TCHP: variants seen among roughly 807,000 people sequenced by gnomAD.
TCHP encodes trichoplein keratin filament binding.
A neutral mutation model predicts 88.7 loss-of-function variants in TCHP; 81 were observed. The observed-to-expected ratio is 0.91, with a 90% CI of 0.76 to 1.10. TCHP has a LOEUF of 1.10. Ranked by LOEUF, TCHP falls within the 50% of genes least tolerant of loss-of-function variation. TCHP has a pLI of 0.00. For synonymous variants in TCHP, 232 were observed against 232.5 expected (o/e 1.00, Z 0.02); for missense variants, 641 against 632.1 (o/e 1.01, Z -0.15).
Position 109,900,302 on chromosome 12 carries a change from G to A in TCHP, c.-125G>A, listed in dbSNP as rs1869703298. ...GTCGGGCTCGTTGCCGGTGCAAACA[G>A]GGAGGAAACAGCCGGCGTTGCTGTA... On this transcript the variant is annotated 5_prime_UTR_variant, in exon 1 of 13. Coordinates refer to ENST00000405876, the MANE Select transcript of TCHP (RefSeq NM_001143852.2). 1 of 152,258 alleles carries A rather than the reference G, an allele frequency of 6.6e-6. No homozygotes were observed. Among genetic ancestry groups the A allele is most frequent in the Non-Finnish European group, 1.5e-5 (1 of 68,050 alleles). The allele number at this position is 152,258 out of a possible 1,614,324, so 9.4% of individuals were successfully genotyped here. A position where few individuals can be genotyped will look rare whatever the true frequency, so the allele number is the denominator to read the frequency against.
intron 1 of TCHP, among the ~76,000 whole-genome samples, chr12:109,901,605 T>G (rs954357905): frequency 1.2e-4 from 19 of 152,290 alleles, no homozygotes; most frequent in African/African-American, 4.3e-4. Flanking sequence ...AAACCTTGAG[T>G]TGGTGTCGGG....
rs1565913234 is a variant in TCHP at position 109,913,016 on chromosome 12, A to G, written c.1078A>G (p.Lys360Glu). Residue 360 changes from lysine (K) to glutamate (E), a missense_variant, in exon 10 of 13, where the codon AAG (lysine) becomes GAG (glutamate). Coordinates refer to ENST00000405876, the MANE Select transcript of TCHP (RefSeq NM_001143852.2). ...LREEAKEMWE[K>E]REAEWARERS... ...GGAGGAGGCCAAGGAGATGTGGGAA[A>G]AGAGAGAGGCAGAGTGGGCCCGAGA... The G allele has an allele frequency of 1.2e-6, 2 of 1,613,906 alleles. No individual in the cohort carries two copies. Among genetic ancestry groups the G allele is most frequent in the Admixed American group, 3.3e-5 (2 of 60,000 alleles).
chr12:109,911,031 C>G, intron 8 of TCHP, 32 bp from the exon 9 acceptor site: 3 of 1,515,338 alleles, frequency 2.0e-6, no homozygotes, highest in Non-Finnish European at 2.7e-6. Context: ...CTCTGTCCAG[C>G]CCAGCCACGT....
At chr12:109,888,101 C>T in the TCHP span, 1 of 152,320 alleles carries the variant, frequency 6.6e-6, no homozygotes, top group Non-Finnish European at 1.5e-5. Flanking sequence ...CCAGCATGTA[C>T]CCTCCCCAGT....
chr12:109,896,905 G>A (rs923184008), upstream of TCHP, among the ~76,000 whole-genome samples: 1 of 152,102 alleles, frequency 6.6e-6, no homozygotes. Flanking sequence ...GTGATAGAGT[G>A]AGACTCTGTC....
At chr12:109,890,300 CA>C in the TCHP span, among the ~76,000 whole-genome samples, 28,496 of 89,208 alleles carry the variant, frequency 0.32, 4,219 homozygotes, top group African/African-American at 0.53. Flanking sequence ...CTCATCTCTA[CA>C]AAAAAAAAAA....
intron 9 of TCHP, among the ~76,000 whole-genome samples, chr12:109,911,646 A>T (rs948571430): frequency 6.7e-6 from 1 of 149,960 alleles, no homozygotes; most frequent in Admixed American, 6.6e-5. Context: ...AGAAGAAGAG[A>T]TAGCTGTGTA....
chr12:109,911,992 C>T (rs754013777), intron 9 of TCHP, among the ~76,000 whole-genome samples: 6 of 151,966 alleles, frequency 3.9e-5, no homozygotes, highest in Non-Finnish European at 8.8e-5. Context: ...GATGGGGTTT[C>T]ACCATCTTGG....
the TCHP span, among the ~76,000 whole-genome samples, chr12:109,894,642 G>T: frequency 6.6e-6 from 1 of 150,912 alleles, no homozygotes; most frequent in Non-Finnish European, 1.5e-5. Context: ...GCGCATGTAT[G>T]TAATCCCAGG....
At chr12:109,894,370 GA>G in the TCHP span, among the ~76,000 whole-genome samples, 539 of 151,658 alleles carry the variant, frequency 3.6e-3, no homozygotes, top group Middle Eastern at 0.01. Context: ...TGAGGCAGGA[GA>G]ATGGTGTGAA....
intron 4 of TCHP, 58 bp downstream of exon 4, chr12:109,904,851 A>C (rs1870037130): frequency 2.0e-6 from 3 of 1,528,670 alleles, no homozygotes; most frequent in South Asian, 1.2e-5. Flanking sequence ...GTTTCCAGAC[A>C]CTTTTTTTTT....
In TCHP at chr12:109,914,440, A is replaced by G. The variant is rs761889639; in HGVS notation, c.1135-2A>G. 5.6e-6 allele frequency: 9 copies of G among 1,609,240 alleles called. No individual in the cohort carries two copies. Among genetic ancestry groups the G allele is most frequent in the Non-Finnish European group, 7.6e-6 (9 of 1,176,512 alleles). On this transcript the variant is annotated splice_acceptor_variant, in intron 10 of 12. Coordinates refer to ENST00000405876, the MANE Select transcript of TCHP (RefSeq NM_001143852.2). LOFTEE classifies it high-confidence loss of function. ...CTGCCCTTTTCTTTCTGCTGAGGTT[A>G]GGTTCTGACAGGGAGACAACAGCAA...
chr12:109,891,405 T>TC, the TCHP span, among the ~76,000 whole-genome samples: 4 of 151,440 alleles, frequency 2.6e-5, no homozygotes, highest in East Asian at 7.7e-4. Context: ...TTTTTTTTTT[T>TC]GAGACAGAGT....
At chr12:109,889,467 C>CAAAAAAAAAA in the TCHP span, among the ~76,000 whole-genome samples, 1 of 140,564 alleles carries the variant, frequency 7.1e-6, no homozygotes, top group African/African-American at 2.7e-5. Context: ...GACTCCATCT[C>CAAAAAAAAAA]AAAAAAAAAG....
At chr12:109,882,236 A>G in the TCHP span, among the ~76,000 whole-genome samples, 1 of 152,082 alleles carries the variant, frequency 6.6e-6, no homozygotes, top group Non-Finnish European at 1.5e-5. Flanking sequence ...TTGGGGTGTG[A>G]GTCTGGCCAA....
chr12:109,907,029 A>G (rs1442448099), intron 5 of TCHP, among the ~76,000 whole-genome samples: 1 of 152,160 alleles, frequency 6.6e-6, no homozygotes, highest in East Asian at 1.9e-4. Flanking sequence ...AGCTAGGACC[A>G]CAGGTACGCA....
At chr12:109,906,323 GTTAC>G (rs1296958550) in intron 4 of TCHP, among the ~76,000 whole-genome samples, 2 of 152,178 alleles carry the variant, frequency 1.3e-5, no homozygotes, top group Non-Finnish European at 2.9e-5. Flanking sequence ...GGAAGTCTCT[GTTAC>G]TTTGTACCAG....
chr12:109,888,031 C>T, the TCHP span: 1 of 152,582 alleles, frequency 6.6e-6, no homozygotes, highest in Non-Finnish European at 1.5e-5. Flanking sequence ...GCCTCAGCCT[C>T]CCCAGGCACT....
chr12:109,894,720 G>A, the TCHP span, among the ~76,000 whole-genome samples: 6 of 144,584 alleles, frequency 4.1e-5, no homozygotes, highest in Admixed American at 1.4e-4. Context: ...AGCCAAGATC[G>A]CGCCATTGCA....
Sources: gnomAD v4.1 joint callset for allele counts (sites outside exome capture counted in the v4.1 genomes callset) on GRCh38, gnomAD v4.1.1 for gene constraint, MANE v1.5 for transcripts, NCBI Gene and HGNC (gene_info 2026-07-23, HGNC 2026-07-21) for gene names.